Variants in SAMD12 observed in about 807,000 individuals in gnomAD.
The protein encoded by SAMD12 is sterile alpha motif domain-containing protein 12.
A neutral mutation model predicts 15.0 loss-of-function variants in SAMD12; 9 were observed. The observed-to-expected ratio is 0.60, with a 90% confidence interval of 0.36 to 1.05. The LOEUF (loss-of-function observed/expected upper bound fraction) is 1.05. Ranked by LOEUF, SAMD12 falls within the 50% of genes least tolerant of loss-of-function variation. The pLI, the probability that SAMD12 is intolerant of heterozygous loss-of-function variation, is 0.01. For synonymous variants in SAMD12, 86 were observed against 90.1 expected (o/e 0.96, Z 0.25); for missense variants, 230 against 234.2 (o/e 0.98, Z 0.12).
At chr8:118,148,907 C>A in the SAMD12 span, among the ~76,000 whole-genome samples, 1 of 152,140 alleles carries the variant, frequency 6.6e-6, no homozygotes, top group Admixed American at 6.5e-5. Flanking sequence ...TACGGTTATA[C>A]GGCATTTTGC....
intron 3 of SAMD12, among the ~76,000 whole-genome samples, chr8:118,406,262 T>G (rs916044237): frequency 2.0e-5 from 3 of 152,040 alleles, no homozygotes; most frequent in African/African-American, 7.2e-5. Flanking sequence ...ATCTTAACCA[T>G]TTTATTTTTA....
the SAMD12 span, among the ~76,000 whole-genome samples, chr8:118,169,859 T>A: frequency 6.6e-6 from 1 of 152,154 alleles, no homozygotes; most frequent in Non-Finnish European, 1.5e-5. Context: ...AGGAAAGCTG[T>A]TTTTTACCCC....
At chr8:118,356,913 C>T (rs149928541) in intron 4 of SAMD12, among the ~76,000 whole-genome samples, 1,888 of 152,278 alleles carry the variant, frequency 0.012, 15 homozygotes, top group Middle Eastern at 0.027. Context: ...TTCTATTGAT[C>T]CTATCTGCAA....
At position 118,463,747 on chromosome 8, in the gene SAMD12, G is replaced by A. The variant is rs142926544; in HGVS notation, c.193-23786C>T. 9.9e-3 allele frequency among the ~76,000 whole-genome samples: 1,508 copies of A among 152,126 alleles called. 29 individuals carry two copies. Among genetic ancestry groups the A allele is most frequent in the Non-Finnish European group, 0.01 (709 of 68,012 alleles). On this transcript the variant is annotated intron_variant, in intron 2 of 3. Coordinates refer to ENST00000314727, the MANE Select transcript of SAMD12 (RefSeq NM_207506.3). Reference sequence around the variant, plus strand: ...CTGATTAATGACCAACATCCCACACGCTTGGCCTGGGTGGAACCTTTAAAT... The same window carrying A: ...CTGATTAATGACCAACATCCCACACACTTGGCCTGGGTGGAACCTTTAAAT...
At chr8:118,517,412 C>T (rs1825274021) in intron 2 of SAMD12, among the ~76,000 whole-genome samples, 1 of 152,156 alleles carries the variant, frequency 6.6e-6, no homozygotes, top group African/African-American at 2.4e-5. Context: ...ATCTCCCATA[C>T]AGCTGGAGAT....
chr8:118,167,281 G>T, the SAMD12 span, among the ~76,000 whole-genome samples: 1 of 151,710 alleles, frequency 6.6e-6, no homozygotes, highest in African/African-American at 2.4e-5. Context: ...TTGCATGCTT[G>T]ACACCATGGC....
At chr8:118,614,983 G>C (rs774363180) in intron 1 of SAMD12, among the ~76,000 whole-genome samples, 99 of 152,276 alleles carry the variant, frequency 6.5e-4, no homozygotes, top group Non-Finnish European at 4.4e-4. Context: ...GTTTCAAAAG[G>C]ACCATATGCA....
At chr8:118,373,655 C>A (rs952701450), downstream of SAMD12, among the ~76,000 whole-genome samples, 2 of 152,064 alleles carry the variant, frequency 1.3e-5, no homozygotes, top group Admixed American at 1.3e-4. Flanking sequence ...CTATAACTGG[C>A]CCTGGTAAAC....
intron 4 of SAMD12, among the ~76,000 whole-genome samples, chr8:118,323,232 G>A (rs1816384245): frequency 6.6e-6 from 1 of 152,146 alleles, no homozygotes; most frequent in Non-Finnish European, 1.5e-5. Flanking sequence ...GAATATATTT[G>A]TTACAGCAGC....
intron 4 of SAMD12, among the ~76,000 whole-genome samples, chr8:118,247,061 C>T (rs113166917): frequency 4.6e-5 from 7 of 152,010 alleles, no homozygotes; most frequent in Admixed American, 2.0e-4. Flanking sequence ...TTACAGGAAG[C>T]AAGACTGGAG....
chr8:118,468,247 T>C (rs1479098756), intron 2 of SAMD12, among the ~76,000 whole-genome samples: 1 of 152,164 alleles, frequency 6.6e-6, no homozygotes, highest in Non-Finnish European at 1.5e-5. Context: ...AAGTGTATCA[T>C]CATAATCTTT....
At chr8:118,345,378 T>C (rs1232245477) in intron 4 of SAMD12, among the ~76,000 whole-genome samples, 7 of 152,314 alleles carry the variant, frequency 4.6e-5, no homozygotes, top group Non-Finnish European at 8.8e-5. Context: ...TTCCTGTCAC[T>C]AAGCAATGCA....
intron 2 of SAMD12, among the ~76,000 whole-genome samples, chr8:118,492,405 G>C (rs1012237522): frequency 7.2e-5 from 11 of 151,942 alleles, no homozygotes; most frequent in African/African-American, 2.7e-4. Context: ...ATTCTTCTTA[G>C]GCTGTACAAA....
chr8:118,284,524 A>C (rs1413882757), intron 4 of SAMD12: 1 of 355,370 alleles, frequency 2.8e-6, no homozygotes, highest in Non-Finnish European at 5.5e-6. Context: ...ACAAAAATGG[A>C]ACATCAAGAC....
downstream of SAMD12, among the ~76,000 whole-genome samples, chr8:118,374,218 T>C (rs946086994): frequency 1.3e-5 from 2 of 152,286 alleles, no homozygotes; most frequent in Admixed American, 6.5e-5. Flanking sequence ...AGATACTCCA[T>C]ATGAGTAGAA....
At chr8:118,523,661 C>G (rs1467812570) in intron 2 of SAMD12, among the ~76,000 whole-genome samples, 1 of 152,154 alleles carries the variant, frequency 6.6e-6, no homozygotes, top group Non-Finnish European at 1.5e-5. Flanking sequence ...AATCCACAAC[C>G]CTGTCAACTG....
At chr8:118,347,093 T>C (rs1005098443) in intron 4 of SAMD12, among the ~76,000 whole-genome samples, 1 of 152,170 alleles carries the variant, frequency 6.6e-6, no homozygotes, top group African/African-American at 2.4e-5. Flanking sequence ...GCCTGGTTAA[T>C]TTTCTAAAAC....
chr8:118,150,992 C>A, the SAMD12 span, among the ~76,000 whole-genome samples: 4 of 152,082 alleles, frequency 2.6e-5, no homozygotes, highest in Non-Finnish European at 5.9e-5. Flanking sequence ...ATCACTTGAG[C>A]CCAGGAGTCA....
chr8:118,313,935 T>C (rs1169083931), intron 4 of SAMD12, among the ~76,000 whole-genome samples: 4 of 151,816 alleles, frequency 2.6e-5, no homozygotes, highest in African/African-American at 9.7e-5. Flanking sequence ...GATGGGGGGA[T>C]CTCATGCTGA....
Sources: gnomAD v4.1 joint callset for allele counts (sites outside exome capture counted in the v4.1 genomes callset) on GRCh38, gnomAD v4.1.1 for gene constraint, MANE v1.5 for transcripts, NCBI Gene and HGNC (gene_info 2026-07-23, HGNC 2026-07-21) for gene names.